Variants in GRID2 observed in about 807,000 individuals in gnomAD.
GRID2 encodes the protein glutamate receptor ionotropic, delta-2.
Under a neutral mutation model 114.8 loss-of-function variants are expected in GRID2, and 33 were observed. The observed-to-expected ratio is 0.29, with a 90% CI of 0.22 to 0.38. The LOEUF is 0.38. Among genes scored for constraint, GRID2 ranks in the 10% least tolerant of loss-of-function variants. GRID2 has a pLI of 1.00. For synonymous variants in GRID2, 505 were observed against 449.9 expected (o/e 1.12, Z -1.55); for missense variants, 1,184 against 1,257.7 (o/e 0.94, Z 0.89).
chr4:92,801,987 GTT>G (rs886856979), intron 2 of GRID2, among the ~76,000 whole-genome samples: 1 of 151,142 alleles, frequency 6.6e-6, no homozygotes, highest in African/African-American at 2.4e-5. Context: ...ATACCACATT[GTT>G]TTTTTTAAAA....
At chr4:93,605,528 G>A (rs974834258) in intron 13 of GRID2, among the ~76,000 whole-genome samples, 24 of 152,098 alleles carry the variant, frequency 1.6e-4, no homozygotes, top group Admixed American at 1.2e-3. Flanking sequence ...ACAACATTCC[G>A]TTATTACTTG....
chr4:93,023,636 G>A (rs941565080), intron 2 of GRID2, among the ~76,000 whole-genome samples: 1 of 151,846 alleles, frequency 6.6e-6, no homozygotes, highest in Non-Finnish European at 1.5e-5. Context: ...TAAAAGTGGG[G>A]TCTATGCCTT....
chr4:93,039,362 A>C (rs1262040829), intron 2 of GRID2, among the ~76,000 whole-genome samples: 1 of 152,086 alleles, frequency 6.6e-6, no homozygotes, highest in African/African-American at 2.4e-5. Context: ...AGAAATACCT[A>C]ATGTAGATGA....
In GRID2 at chr4:93,267,249, C is replaced by T. The variant is rs181151344; in HGVS notation, c.1245+28759C>T. ...ATGTGCACATTGTGCAGGTTAGTTA[C>T]ATATGTATACATGTGCCATGCTGGT... On this transcript the variant is annotated intron_variant, in intron 8 of 15. Transcript: ENST00000282020. Among the ~76,000 whole-genome samples, 176 of 150,682 alleles carry T rather than the reference C, an allele frequency of 1.2e-3. 3 individuals carry two copies. Among genetic ancestry groups the T allele is most frequent in the African/African-American group, 4.3e-3 (174 of 40,876 alleles).
At position 92,785,194 on chromosome 4, in the gene GRID2, A is replaced by G. The variant is rs960025888; in HGVS notation, c.244+194908A>G. On this transcript the variant is annotated intron_variant, in intron 2 of 15. Coordinates refer to ENST00000282020, the MANE Select transcript of GRID2 (RefSeq NM_001510.4). ...ATAGATTGTTTTAAAATACAGATTG[A>G]GATTGTTTTAAATTTGTAGACAAAC... Among the ~76,000 whole-genome samples, 29 of 150,904 alleles carry G rather than the reference A, an allele frequency of 1.9e-4. 1 individual carries two copies. The highest frequency in any genetic ancestry group is 6.5e-4 in the African/African-American group (27 of 41,276).
At chr4:93,526,456 A>G (rs918625860) in intron 13 of GRID2, among the ~76,000 whole-genome samples, 1 of 152,158 alleles carries the variant, frequency 6.6e-6, no homozygotes, top group African/African-American at 2.4e-5. Flanking sequence ...TTAGTCTCCA[A>G]TTTTACCCTC....
chr4:92,347,151 A>C (rs1727809067), intron 1 of GRID2, among the ~76,000 whole-genome samples: 2 of 152,248 alleles, frequency 1.3e-5, no homozygotes, highest in African/African-American at 2.4e-5. Context: ...TGATTTGCCA[A>C]GCTGGTGTCA....
At chr4:92,756,231 A>G (rs62310236) in intron 2 of GRID2, among the ~76,000 whole-genome samples, 6,973 of 152,204 alleles carry the variant, frequency 0.046, 182 homozygotes, top group African/African-American at 0.071. Flanking sequence ...CACTTAACAT[A>G]ATAACTCCTA....
chr4:92,754,608 A>G (rs1383216649), intron 2 of GRID2, among the ~76,000 whole-genome samples: 1 of 152,166 alleles, frequency 6.6e-6, no homozygotes, highest in Non-Finnish European at 1.5e-5. Context: ...TCAGCGCCTG[A>G]CACAGTACAA....
At chr4:93,801,535 A>G (rs1240606738) in intron 1 of GRID2, among the ~76,000 whole-genome samples, 4 of 152,246 alleles carry the variant, frequency 2.6e-5, no homozygotes, top group African/African-American at 9.6e-5. Context: ...ACACAAATGG[A>G]TTTACTGATA....
intron 11 of GRID2, among the ~76,000 whole-genome samples, chr4:93,468,482 G>A (rs1362984073): frequency 7.2e-5 from 11 of 152,186 alleles, no homozygotes; most frequent in Admixed American, 7.2e-4. Context: ...TTTTCAATTT[G>A]TTGCAGTAAG....
chr4:92,625,965 T>C (rs1451214965), intron 2 of GRID2, among the ~76,000 whole-genome samples: 3 of 151,994 alleles, frequency 2.0e-5, no homozygotes, highest in African/African-American at 7.2e-5. Context: ...TAAAATTCTG[T>C]TTTACAGGAT....
At chr4:92,678,506 G>A (rs1235804244) in intron 2 of GRID2, among the ~76,000 whole-genome samples, 4 of 151,912 alleles carry the variant, frequency 2.6e-5, no homozygotes, top group South Asian at 2.1e-4. Flanking sequence ...AATTCAATAC[G>A]TTAGTCACTG....
At chr4:93,112,496 C>T (rs1349254112) in intron 4 of GRID2, among the ~76,000 whole-genome samples, 1 of 152,118 alleles carries the variant, frequency 6.6e-6, no homozygotes, top group Non-Finnish European at 1.5e-5. Context: ...TGACTCTCTC[C>T]TGCCTCCTTG....
intron 2 of GRID2, among the ~76,000 whole-genome samples, chr4:92,839,384 C>T (rs1299697869): frequency 3.3e-5 from 5 of 150,652 alleles, no homozygotes; most frequent in African/African-American, 1.2e-4. Flanking sequence ...CGTCATTTGG[C>T]ATTAGGTATA....
At chr4:93,667,438 A>G (rs1724047129) in intron 14 of GRID2, among the ~76,000 whole-genome samples, 1 of 151,422 alleles carries the variant, frequency 6.6e-6, no homozygotes, top group African/African-American at 2.4e-5. Context: ...AGTGATAACC[A>G]GGAGGTACCA....
intron 8 of GRID2, among the ~76,000 whole-genome samples, chr4:93,262,186 C>T (rs6823193): frequency 0.7 from 105,499 of 151,706 alleles, 37,230 homozygotes; most frequent in Middle Eastern, 0.85. Flanking sequence ...TTCAGGCTTT[C>T]AGAAACCCAG....
intron 2 of GRID2, among the ~76,000 whole-genome samples, chr4:92,970,984 T>C (rs567685851): frequency 4.6e-5 from 7 of 151,860 alleles, no homozygotes; most frequent in Admixed American, 2.0e-4. Flanking sequence ...CGTGTATGTG[T>C]GTCTGTGTGT....
At chr4:92,728,594 G>A (rs911741797) in intron 2 of GRID2, among the ~76,000 whole-genome samples, 1 of 151,826 alleles carries the variant, frequency 6.6e-6, no homozygotes, top group Non-Finnish European at 1.5e-5. Flanking sequence ...CAGTCTTTCA[G>A]TAAACTACTC....
Sources: gnomAD v4.1 joint callset for allele counts (sites outside exome capture counted in the v4.1 genomes callset) on GRCh38, gnomAD v4.1.1 for gene constraint, MANE v1.5 for transcripts, NCBI Gene and HGNC (gene_info 2026-07-23, HGNC 2026-07-21) for gene names.